VAX1: variants seen among roughly 807,000 people sequenced by gnomAD.
VAX1 encodes the protein ventral anterior homeobox 1.
VAX1 carries 6 observed loss-of-function variants against 17.6 expected under a neutral mutation model. The observed-to-expected ratio is 0.34, with a 90% confidence interval of 0.19 to 0.67. VAX1 has a LOEUF of 0.67. Among genes scored for constraint, VAX1 ranks in the 30% least tolerant of loss-of-function variants. The pLI, the probability that VAX1 is intolerant of heterozygous loss-of-function variation, is 0.69. For missense variants in VAX1, 408 were observed against 463.7 expected (o/e 0.88, Z 1.10); for synonymous variants, 256 against 227.4 (o/e 1.13, Z -1.13).
rs1162851841 is a variant in VAX1 at position 117,134,588 on chromosome 10, G to C, written c.430-5C>G. 2 of 1,517,408 alleles carry C rather than the reference G, an allele frequency of 1.3e-6. No homozygotes were observed. Among genetic ancestry groups the C allele is most frequent in the Admixed American group, 4.1e-5 (2 of 49,184 alleles). The allele number at this position is 1,517,408 out of a possible 1,614,324, so 94.0% of individuals were successfully genotyped here. ...GTTCTGGAACCAGACCTTCACCTGCGCGCCGGGGTGCGGGGAGAGTTGGAG... is the reference window on the plus strand; with the variant it reads ...GTTCTGGAACCAGACCTTCACCTGCCCGCCGGGGTGCGGGGAGAGTTGGAG... On this transcript the variant is annotated splice_polypyrimidine_tract_variant and splice_region_variant and intron_variant, in intron 2 of 2. Transcript: ENST00000369206. This position sits in a 1 kb window ranked among gnomAD's most constrained non-coding sequence, Gnocchi z 6.2.
rs1854186854 is a variant in VAX1 at position 117,136,747 on chromosome 10, G to A, written c.242-88C>T. ...GCTGGATTTGGGGACACAGTCCCCA[G>A]AAGCGTGCAGTTTTGGGGATGGGGG... On this transcript the variant is annotated intron_variant, in intron 1 of 2. Coordinates refer to ENST00000369206, the MANE Select transcript of VAX1 (RefSeq NM_001112704.2). The surrounding 1 kb of genome is among the most constrained non-coding windows in gnomAD (Gnocchi z 5.0). The A allele has an allele frequency of 6.8e-7, 1 of 1,467,572 alleles. No individual in the cohort carries two copies. 90.9% of individuals were successfully genotyped at this position (1,467,572 alleles called of 1,614,324 possible).
Position 117,138,261 on chromosome 10 carries a change from A to C in VAX1, c.-205T>G. On this transcript the variant is annotated 5_prime_UTR_variant, in exon 1 of 3. Coordinates refer to ENST00000369206, the MANE Select transcript of VAX1 (RefSeq NM_001112704.2). ...GGCGGCCGCGCGCGGGTCAGCGGCG[A>C]CGGGAGAGTGGCGCGCTCGCCGAGA... The C allele has an allele frequency of 1.5e-6, 1 of 650,036 alleles. No individual in the cohort carries two copies. The highest frequency in any genetic ancestry group is 2.6e-6 in the Non-Finnish European group (1 of 389,272). 40.3% of individuals were successfully genotyped at this position (650,036 alleles called of 1,614,324 possible).
downstream of VAX1, chr10:117,132,544 A>G: frequency 6.5e-7 from 1 of 1,547,326 alleles, no homozygotes; most frequent in Non-Finnish European, 8.8e-7. This position sits in a 1 kb window ranked among gnomAD's most constrained non-coding sequence, Gnocchi z 4.9. Flanking sequence ...CAATAAAATT[A>G]CTATTTTAAA....
chr10:117,132,365 C>G (rs1854099247), downstream of VAX1: 1 of 1,610,562 alleles, frequency 6.2e-7, no homozygotes, highest in East Asian at 2.2e-5. This position sits in a 1 kb window ranked among gnomAD's most constrained non-coding sequence, Gnocchi z 4.9. Context: ...TTCACTCTCA[C>G]CACATAAATA....
chr10:117,133,491 C>G lies in VAX1; in HGVS notation c.*517G>C. On this transcript the variant is annotated 3_prime_UTR_variant, in exon 3 of 3. Coordinates refer to ENST00000369206, the MANE Select transcript of VAX1 (RefSeq NM_001112704.2). ...TCCCGAGAGGTCCGCAAAGCGGGGC[C>G]CAGGGGCTCCCACAAGCCCTGGTTT... The G allele has an allele frequency of 1.0e-6, 1 of 985,592 alleles. No homozygotes were observed. The highest frequency in any genetic ancestry group is 1.2e-6 in the Non-Finnish European group (1 of 830,080). The allele number at this position is 985,592 out of a possible 1,614,324, so 61.1% of individuals were successfully genotyped here.
rs996093875 is a variant in VAX1, at chr10:117,137,526, C to T, written c.241+290G>A. Among the ~76,000 whole-genome samples, 17 of 152,200 alleles carry T rather than the reference C, an allele frequency of 1.1e-4. No homozygotes were observed. Among genetic ancestry groups the T allele is most frequent in the African/African-American group, 3.9e-4 (16 of 41,468 alleles). On this transcript the variant is annotated intron_variant, in intron 1 of 2. Transcript: ENST00000369206. This position sits in a 1 kb window ranked among gnomAD's most constrained non-coding sequence, Gnocchi z 7.4. ...CTCCCGGAGTTTTCTGCTCCTTTCC[C>T]GGGTCGGAGGCCGCAGCCCGATGCC...
chr10:117,134,306 G>A lies in VAX1; in HGVS notation c.707C>T (p.Pro236Leu), dbSNP rs1854136194. The A allele has an allele frequency of 8.9e-7, 1 of 1,126,036 alleles. No individual in the cohort carries two copies. The highest frequency in any genetic ancestry group is 1.7e-5 in the African/African-American group (1 of 60,374). The allele number at this position is 1,126,036 out of a possible 1,614,324, so 69.8% of individuals were successfully genotyped here. A position where few individuals can be genotyped will look rare whatever the true frequency, so the allele number is the denominator to read the frequency against. ...CGGGTGCGGGGATGCAGCGCCCGCT[G>A]GGCCCGGGGCGGCGGCGGCGGCTGC... is the stretch of plus-strand genomic sequence containing the variant. ...AAAAAAAAPG[P>L]AGAASPHPPA... Residue 236 changes from proline to leucine, a missense_variant, in exon 3 of 3, where the codon CCA becomes CTA. Physicochemically the swap from Pro to Leu is moderately conservative, Grantham distance 98. Transcript: ENST00000369206. This position sits in a 1 kb window ranked among gnomAD's most constrained non-coding sequence, Gnocchi z 6.2.
At position 117,133,708 on chromosome 10, in the gene VAX1, G is replaced by T; in HGVS notation, c.*300C>A. ...GAACCAGTCTTTTCCCTCCTGGGCT[G>T]GGCACGGGGTCAGGGCATCAGGTTG... is the stretch of plus-strand genomic sequence containing the variant. On this transcript the variant is annotated 3_prime_UTR_variant, in exon 3 of 3. Coordinates refer to ENST00000369206, the MANE Select transcript of VAX1 (RefSeq NM_001112704.2). The T allele has an allele frequency of 8.8e-7, 1 of 1,135,998 alleles. No individual in the cohort carries two copies. Among genetic ancestry groups the T allele is most frequent in the Non-Finnish European group, 1.1e-6 (1 of 928,176 alleles). The allele number at this position is 1,135,998 out of a possible 1,614,324, so 70.4% of individuals were successfully genotyped here.
chr10:117,134,625 G>C lies in VAX1; in HGVS notation c.430-42C>G. The C allele has an allele frequency of 6.8e-7, 1 of 1,464,502 alleles. No homozygotes were observed. The allele number at this position is 1,464,502 out of a possible 1,614,324, so 90.7% of individuals were successfully genotyped here. A position where few individuals can be genotyped will look rare whatever the true frequency, so the allele number is the denominator to read the frequency against. On this transcript the variant is annotated intron_variant, in intron 2 of 2. Coordinates refer to ENST00000369206, the MANE Select transcript of VAX1 (RefSeq NM_001112704.2). The surrounding 1 kb of genome is among the most constrained non-coding windows in gnomAD (Gnocchi z 6.2). ...GGGGAGAGTTGGAGAGAGGGGCAGG[G>C]AAGACCAGCGTCAAAGGAAGCGAGC...
chr10:117,133,381 CG>C lies in VAX1; in HGVS notation c.*626del. Reference sequence around the variant, plus strand: ...GACGTTTGTTACTGTTTCCTGGGGTCGGGGGTGGTTGTGATTGGAGTTGCCC... The same window carrying C: ...GACGTTTGTTACTGTTTCCTGGGGTCGGGGTGGTTGTGATTGGAGTTGCCC... On this transcript the variant is annotated 3_prime_UTR_variant, in exon 3 of 3. Transcript: ENST00000369206. 1 of 985,500 alleles carries C rather than the reference CG, an allele frequency of 1.0e-6. No homozygotes were observed. The highest frequency in any genetic ancestry group is 1.2e-6 in the Non-Finnish European group (1 of 830,106). 61.0% of individuals were successfully genotyped at this position (985,500 alleles called of 1,614,324 possible).
chr10:117,135,050 AG>A (rs1479128971), intron 2 of VAX1, among the ~76,000 whole-genome samples: 2 of 152,052 alleles, frequency 1.3e-5, no homozygotes, highest in African/African-American at 4.8e-5. Flanking sequence ...GTGGGAAGAG[AG>A]GCGGGGAGGG....
rs1240966379 is a variant in VAX1, at chr10:117,136,856, G to A, written c.242-197C>T. Reference sequence around the variant, plus strand: ...GCCTAACTCCATACCGCTGACCGAAGGAGGGACCACACTTTGTCTTTTTGT... The same window carrying A: ...GCCTAACTCCATACCGCTGACCGAAAGAGGGACCACACTTTGTCTTTTTGT... On this transcript the variant is annotated intron_variant, in intron 1 of 2. Coordinates refer to ENST00000369206, the MANE Select transcript of VAX1 (RefSeq NM_001112704.2). This position sits in a 1 kb window ranked among gnomAD's most constrained non-coding sequence, Gnocchi z 5.0. 6.6e-6 allele frequency among the ~76,000 whole-genome samples: 1 copy of A among 152,208 alleles called. No individual in the cohort carries two copies. Among genetic ancestry groups the A allele is most frequent in the Non-Finnish European group, 1.5e-5 (1 of 68,046 alleles).
In VAX1 at chr10:117,133,839, G is replaced by A; in HGVS notation, c.*169C>T. The A allele has an allele frequency of 7.5e-7, 1 of 1,331,556 alleles. No individual in the cohort carries two copies. The highest frequency in any genetic ancestry group is 9.5e-7 in the Non-Finnish European group (1 of 1,049,212). The allele number at this position is 1,331,556 out of a possible 1,614,324, so 82.5% of individuals were successfully genotyped here. A position where few individuals can be genotyped will look rare whatever the true frequency, so the allele number is the denominator to read the frequency against. Reference sequence around the variant, plus strand: ...GGAAAGGTAGTAGAAAAAAAAAATAGCCCGAATGAGATGAAATTGGTAGCA... The same window carrying A: ...GGAAAGGTAGTAGAAAAAAAAAATAACCCGAATGAGATGAAATTGGTAGCA... On this transcript the variant is annotated 3_prime_UTR_variant, in exon 3 of 3. Transcript: ENST00000369206.
chr10:117,134,018 G>A lies in VAX1; in HGVS notation c.995C>T (p.Ala332Val). 2 of 1,521,008 alleles carry A rather than the reference G, an allele frequency of 1.3e-6. No homozygotes were observed. Among genetic ancestry groups the A allele is most frequent in the South Asian group, 2.5e-5 (2 of 80,226 alleles). The allele number at this position is 1,521,008 out of a possible 1,614,324, so 94.2% of individuals were successfully genotyped here. A position where few individuals can be genotyped will look rare whatever the true frequency, so the allele number is the denominator to read the frequency against. ...TNNKEGAEKKALD is the reference protein window; with the variant it reads ...TNNKEGAEKKVLD ...GGGAAACACTTAAAATCAGTCCAGC[G>A]CTTTTTTCTCGGCCCCTTCTTTATT... The change falls in exon 3 of 3, where the codon GCG (alanine) becomes GTG (valine). Residue 332 changes from alanine to valine, a missense_variant. Ala to Val is a moderately conservative substitution (Grantham distance 64, BLOSUM62 0). This residue lies in a region of VAX1 where 196 missense variants were observed against 218.7 expected (regional missense o/e 0.90). Transcript: ENST00000369206. The surrounding 1 kb of genome is among the most constrained non-coding windows in gnomAD (Gnocchi z 6.2).
downstream of VAX1, chr10:117,132,341 A>C (rs757185191): frequency 1.7e-5 from 28 of 1,610,916 alleles, no homozygotes; most frequent in Non-Finnish European, 2.4e-5. The surrounding 1 kb of genome is among the most constrained non-coding windows in gnomAD (Gnocchi z 4.9). Flanking sequence ...ATTTATCATC[A>C]TAGATATATA....
chr10:117,136,722 G>A lies in VAX1; in HGVS notation c.242-63C>T, dbSNP rs548598238. Reference sequence around the variant, plus strand: ...GTCCCCCTCCACCTCCTTGGCCCGAGCTGGATTTGGGGACACAGTCCCCAG... The same window carrying A: ...GTCCCCCTCCACCTCCTTGGCCCGAACTGGATTTGGGGACACAGTCCCCAG... On this transcript the variant is annotated intron_variant, in intron 1 of 2. Transcript: ENST00000369206. The surrounding 1 kb of genome is among the most constrained non-coding windows in gnomAD (Gnocchi z 5.0). 4.2e-5 allele frequency: 65 copies of A among 1,546,772 alleles called. No individual in the cohort carries two copies. The Admixed American group carries it at 7.6e-4, about 18-fold the overall frequency.
At chr10:117,132,355 T>G, downstream of VAX1, 1 of 1,610,838 alleles carries the variant, frequency 6.2e-7, no homozygotes, top group Non-Finnish European at 8.5e-7. The surrounding 1 kb of genome is among the most constrained non-coding windows in gnomAD (Gnocchi z 4.9). Context: ...ATATATATAT[T>G]TCACTCTCAC....
At chr10:117,130,877 G>A (rs913578312), downstream of VAX1, 4 of 152,608 alleles carry the variant, frequency 2.6e-5, no homozygotes, top group Admixed American at 2.6e-4. Context: ...CCCTCTTTCA[G>A]GGGTAAGAAA....
In VAX1 at chr10:117,134,757, C is replaced by A. The variant is rs184272772; in HGVS notation, c.430-174G>T. Among the ~76,000 whole-genome samples the A allele has an allele frequency of 1.4e-4, 22 of 152,168 alleles. No homozygotes were observed. Among genetic ancestry groups the A allele is most frequent in the Admixed American group, 2.6e-4 (4 of 15,298 alleles). ...CGGGGCGCTGCTGGGGGAGCTGGCG[C>A]CGCCACGAGGGGGACACAGCTGCTC... On this transcript the variant is annotated intron_variant, in intron 2 of 2. Transcript: ENST00000369206. This position sits in a 1 kb window ranked among gnomAD's most constrained non-coding sequence, Gnocchi z 6.2.
Sources: gnomAD v4.1 joint callset for allele counts (sites outside exome capture counted in the v4.1 genomes callset) on GRCh38, gnomAD v4.1.1 for gene constraint, gnomAD v4.1.1 regional missense constraint, Gnocchi (gnomAD v3.1) non-coding constraint, MANE v1.5 for transcripts, NCBI Gene and HGNC (gene_info 2026-07-23, HGNC 2026-07-21) for gene names.